Variants in SFT2D2 observed in about 807,000 individuals in gnomAD.
SFT2D2 encodes vesicle transport protein SFT2B.
In SFT2D2, 21 loss-of-function variants were observed where a neutral mutation model predicts 27.4. The observed-to-expected ratio is 0.77, with a 90% CI of 0.54 to 1.10. The LOEUF (loss-of-function observed/expected upper bound fraction) is 1.10, where lower values mean the gene tolerates loss of function less well. Ranked by LOEUF, SFT2D2 falls within the 50% of genes least tolerant of loss-of-function variation. The pLI is 0.00. For synonymous variants in SFT2D2, 72 were observed against 71.7 expected (o/e 1.00, Z -0.02); for missense variants, 187 against 194.2 (o/e 0.96, Z 0.22).
chr1:168,240,327 C>T (rs573978205), intron 7 of SFT2D2, among the ~76,000 whole-genome samples: 3 of 152,160 alleles, frequency 2.0e-5, no homozygotes, highest in Admixed American at 1.3e-4. Context: ...CGAAGTTAAG[C>T]CTTTCAAGTG....
At chr1:168,238,921 T>C (rs1185402827) in intron 6 of SFT2D2, among the ~76,000 whole-genome samples, 1 of 152,210 alleles carries the variant, frequency 6.6e-6, no homozygotes, top group African/African-American at 2.4e-5. Context: ...TGTGGCTGCC[T>C]ATCTGTACAT....
At chr1:168,235,794 A>G (rs1352318605) in intron 4 of SFT2D2, among the ~76,000 whole-genome samples, 2 of 152,098 alleles carry the variant, frequency 1.3e-5, no homozygotes, top group Non-Finnish European at 2.9e-5. Flanking sequence ...ATCATTCCAG[A>G]CCTACATTCT....
Position 168,235,082 on chromosome 1 carries a change from G to A in SFT2D2, c.237-19G>A, listed in dbSNP as rs1435044861. The A allele has an allele frequency of 1.9e-6, 3 of 1,612,778 alleles. No individual in the cohort carries two copies. The African/African-American group carries it at 4.0e-5, about 22-fold the overall frequency. ...CAGTTCTGTTCTGAACGGCTTGTGT[G>A]CGTGTGTTTGCCTTTTAGTACCATC... On this transcript the variant is annotated intron_variant, in intron 3 of 7. Transcript: ENST00000271375.
At position 168,250,838 on chromosome 1, in the gene SFT2D2, A is replaced by C. The variant is rs886755587; in HGVS notation, c.*8298A>C. The C allele has an allele frequency of 1.3e-5, 2 of 152,052 alleles. No individual in the cohort carries two copies. Among genetic ancestry groups the C allele is most frequent in the African/African-American group, 2.4e-5 (1 of 41,358 alleles). The allele number at this position is 152,052 out of a possible 1,614,324, so 9.4% of individuals were successfully genotyped here. A position where few individuals can be genotyped will look rare whatever the true frequency, so the allele number is the denominator to read the frequency against. ...AAGATGTCTTGTCTGGGAAGGGCAAAACATGGTCCCCAGTGTAGCATTTTC... is the reference window on the plus strand; with the variant it reads ...AAGATGTCTTGTCTGGGAAGGGCAACACATGGTCCCCAGTGTAGCATTTTC... On this transcript the variant is annotated 3_prime_UTR_variant, in exon 8 of 8. Transcript: ENST00000271375.
chr1:168,226,468 A>G (rs1006175225), intron 1 of SFT2D2, among the ~76,000 whole-genome samples: 1 of 151,902 alleles, frequency 6.6e-6, no homozygotes, highest in African/African-American at 2.4e-5. Context: ...AATGCGCTTT[A>G]GGGCCGGGTA....
intron 1 of SFT2D2, among the ~76,000 whole-genome samples, chr1:168,227,221 G>A (rs1700471797): frequency 6.6e-6 from 1 of 152,166 alleles, no homozygotes; most frequent in Admixed American, 6.5e-5. Flanking sequence ...TTTAGCTTTT[G>A]TTTTCCTTTT....
chr1:168,233,027 C>G (rs868126433), intron 3 of SFT2D2, among the ~76,000 whole-genome samples: 1 of 152,206 alleles, frequency 6.6e-6, no homozygotes, highest in Non-Finnish European at 1.5e-5. Context: ...GCTTAGCCCC[C>G]TCAAGTGGCC....
intron 6 of SFT2D2, among the ~76,000 whole-genome samples, chr1:168,237,219 CAA>C (rs1310599025): frequency 2.0e-5 from 3 of 152,138 alleles, no homozygotes; most frequent in East Asian, 1.9e-4. Flanking sequence ...AACAGAAGGA[CAA>C]AGAGTGAACT....
intron 3 of SFT2D2, among the ~76,000 whole-genome samples, chr1:168,233,008 T>G (rs569481593): frequency 2.9e-4 from 44 of 152,320 alleles, no homozygotes; most frequent in African/African-American, 1.0e-3. Flanking sequence ...GCCATTCGTT[T>G]ATAGCCCTGC....
chr1:168,232,772 C>G (rs1044142411), intron 3 of SFT2D2, among the ~76,000 whole-genome samples: 2 of 152,166 alleles, frequency 1.3e-5, no homozygotes, highest in Admixed American at 1.3e-4. Context: ...TTGGTCCCTG[C>G]CAGGCAGACA....
Position 168,226,029 on chromosome 1 carries a change from A to C in SFT2D2, c.-51A>C. ...ACCCGGAAGAGCCGTCAACTTAGCG[A>C]GCGCAACAGGCTGCCGCTGAGGAGC... On this transcript the variant is annotated 5_prime_UTR_variant, in exon 1 of 8. Coordinates refer to ENST00000271375, the MANE Select transcript of SFT2D2 (RefSeq NM_199344.3). The C allele has an allele frequency of 1.4e-6, 2 of 1,455,112 alleles. No homozygotes were observed. The highest frequency in any genetic ancestry group is 1.8e-6 in the Non-Finnish European group (2 of 1,094,496). The allele number at this position is 1,455,112 out of a possible 1,614,324, so 90.1% of individuals were successfully genotyped here.
At chr1:168,227,402 G>C (rs1700473308) in intron 1 of SFT2D2, among the ~76,000 whole-genome samples, 1 of 152,180 alleles carries the variant, frequency 6.6e-6, no homozygotes, top group African/African-American at 2.4e-5. Context: ...ACCCACGTTT[G>C]TGGTTGCTGA....
rs757612797 is a variant in SFT2D2, at chr1:168,246,751, T to C, written c.*4211T>C. Reference sequence around the variant, plus strand: ...CTGCTTTGTTTTTCCTTCTCCAGTTTAGAACGGAGCATTGTGTTCTCATCT... The same window carrying C: ...CTGCTTTGTTTTTCCTTCTCCAGTTCAGAACGGAGCATTGTGTTCTCATCT... On this transcript the variant is annotated 3_prime_UTR_variant, in exon 8 of 8. Coordinates refer to ENST00000271375, the MANE Select transcript of SFT2D2 (RefSeq NM_199344.3). 9 of 789,134 alleles carry C rather than the reference T, an allele frequency of 1.1e-5. No individual in the cohort carries two copies. Among genetic ancestry groups the C allele is most frequent in the South Asian group, 6.7e-5 (5 of 74,334 alleles). The allele number at this position is 789,134 out of a possible 1,614,324, so 48.9% of individuals were successfully genotyped here.
chr1:168,230,799 G>A (rs538465569), intron 1 of SFT2D2, among the ~76,000 whole-genome samples: 1 of 152,260 alleles, frequency 6.6e-6, no homozygotes, highest in Admixed American at 6.5e-5. Context: ...CATGGGAAAA[G>A]AACCACTGGG....
rs1298305996 is a variant in SFT2D2 at position 168,245,261 on chromosome 1, G to A, written c.*2721G>A. 6.6e-6 allele frequency: 1 copy of A among 152,158 alleles called. No homozygotes were observed. Among genetic ancestry groups the A allele is most frequent in the Non-Finnish European group, 1.5e-5 (1 of 68,030 alleles). The allele number at this position is 152,158 out of a possible 1,614,324, so 9.4% of individuals were successfully genotyped here. On this transcript the variant is annotated 3_prime_UTR_variant, in exon 8 of 8. Transcript: ENST00000271375. Reference sequence around the variant, plus strand: ...ACCAGCAAGTGAGTTTCGCAACACAGCAGGATATATAATTGATATACACAA... The same window carrying A: ...ACCAGCAAGTGAGTTTCGCAACACAACAGGATATATAATTGATATACACAA...
At chr1:168,230,822 G>A (rs1182360664) in intron 1 of SFT2D2, among the ~76,000 whole-genome samples, 1 of 152,128 alleles carries the variant, frequency 6.6e-6, no homozygotes, top group Non-Finnish European at 1.5e-5. Flanking sequence ...CTACTCACAG[G>A]CTCTCCTGTT....
In SFT2D2 at chr1:168,244,586, G is replaced by A. The variant is rs1172022747; in HGVS notation, c.*2046G>A. 4.6e-5 allele frequency: 7 copies of A among 152,202 alleles called. No homozygotes were observed. The South Asian group carries it at 1.4e-3, about 31-fold the overall frequency. 9.4% of individuals were successfully genotyped at this position (152,202 alleles called of 1,614,324 possible). A position where few individuals can be genotyped will look rare whatever the true frequency, so the allele number is the denominator to read the frequency against. The stretch of plus-strand genomic sequence containing the variant: ...GGCTATTGATGACATCCAGTCATCT[G>A]CTCAGGTCACTAACCTGTCCTCAGC... On this transcript the variant is annotated 3_prime_UTR_variant, in exon 8 of 8. Coordinates refer to ENST00000271375, the MANE Select transcript of SFT2D2 (RefSeq NM_199344.3).
At chr1:168,240,638 G>C (rs1253065002) in intron 7 of SFT2D2, among the ~76,000 whole-genome samples, 1 of 152,138 alleles carries the variant, frequency 6.6e-6, no homozygotes, top group African/African-American at 2.4e-5. Flanking sequence ...TCATAGGCCG[G>C]GCACGGTAGC....
At position 168,250,003 on chromosome 1, in the gene SFT2D2, G is replaced by GTGA. The variant is rs1299261475; in HGVS notation, c.*7464_*7466dup. On this transcript the variant is annotated 3_prime_UTR_variant, in exon 8 of 8. Coordinates refer to ENST00000271375, the MANE Select transcript of SFT2D2 (RefSeq NM_199344.3). ...ATTCAATATTCACAGTGACTGCCCA[G>GTGA]TGAATGGTATTGCCTCCATCCTCTG... is the stretch of plus-strand genomic sequence containing the variant. 1 of 152,218 alleles carries GTGA rather than the reference G, an allele frequency of 6.6e-6. No homozygotes were observed. Among genetic ancestry groups the GTGA allele is most frequent in the Admixed American group, 6.5e-5 (1 of 15,286 alleles). The allele number at this position is 152,218 out of a possible 1,614,324, so 9.4% of individuals were successfully genotyped here. A position where few individuals can be genotyped will look rare whatever the true frequency, so the allele number is the denominator to read the frequency against.
Sources: allele counts gnomAD v4.1 joint callset (sites outside exome capture counted in the v4.1 genomes callset), GRCh38; gene constraint gnomAD v4.1.1; transcripts MANE v1.5; gene names NCBI Gene and HGNC (gene_info 2026-07-23, HGNC 2026-07-21).